The following CDKL5 variants were observed in gnomAD, a reference collection of about 807,000 sequenced individuals.
CDKL5 encodes cyclin-dependent kinase-like 5.
Under a neutral mutation model 61.7 loss-of-function variants are expected in CDKL5, and 8 were observed. The observed-to-expected ratio is 0.13, with a 90% CI of 0.08 to 0.23. The LOEUF (loss-of-function observed/expected upper bound fraction) is 0.23, where lower values mean the gene tolerates loss of function less well. Among genes scored for constraint, CDKL5 ranks in the 10% least tolerant of loss-of-function variants. The probability of loss-of-function intolerance (pLI) is 1.00; values close to 1 mark genes in which losing one functional copy is unlikely to be tolerated. For synonymous variants in CDKL5, 275 were observed against 272.3 expected (o/e 1.01, Z -0.10); for missense variants, 440 against 734.5 (o/e 0.60, Z 4.63).
intron 1 of CDKL5, among the ~76,000 whole-genome samples, chrX:18,430,710 G>T (rs1569181126): frequency 9.0e-6 from 1 of 110,962 alleles, no homozygotes; most frequent in Non-Finnish European, 1.9e-5. Context: ...CTCCCAAAGT[G>T]CTAGGATTAC....
rs971139221 is a variant in CDKL5, at chrX:18,646,152, CTT to C, written c.2797+71_2797+72del. ...AACGACCCTAGACTACTGAATGAAACTTTTTTTTTTCCTTTCTGAGACAGAGT... is the reference window on the plus strand; with the variant it reads ...AACGACCCTAGACTACTGAATGAAACTTTTTTTTCCTTTCTGAGACAGAGT... On this transcript the variant is annotated intron_variant, in intron 20 of 21. Transcript: ENST00000379989. The C allele has an allele frequency of 4.4e-6, 5 of 1,146,647 alleles. No individual in the cohort carries two copies. In the African/African-American group the frequency reaches 7.3e-5, roughly 17 times the overall value. 94.5% of individuals were successfully genotyped at this position (1,146,647 alleles called of 1,213,427 possible). A position where few individuals can be genotyped will look rare whatever the true frequency, so the allele number is the denominator to read the frequency against.
chrX:18,475,798 G>A (rs1006680085), intron 1 of CDKL5, among the ~76,000 whole-genome samples: 13 of 112,125 alleles, frequency 1.2e-4, no homozygotes, highest in African/African-American at 3.9e-4. Context: ...AAAAGATGAT[G>A]AAAATAACTA....
intron 4 of CDKL5, among the ~76,000 whole-genome samples, chrX:18,568,789 G>A (rs890216525): frequency 1.8e-5 from 2 of 110,329 alleles, no homozygotes; most frequent in Non-Finnish European, 3.8e-5. Context: ...GAACTCCTGG[G>A]CTCAAGCAGT....
At chrX:18,531,651 A>G (rs974835073) in intron 3 of CDKL5, among the ~76,000 whole-genome samples, 1 of 110,049 alleles carries the variant, frequency 9.1e-6, no homozygotes, top group African/African-American at 3.4e-5. Context: ...AATTCCGTAA[A>G]TCCAAGAAAT....
At chrX:18,602,351 ACAACT>A (rs1926205205) in intron 11 of CDKL5, among the ~76,000 whole-genome samples, 1 of 112,367 alleles carries the variant, frequency 8.9e-6, no homozygotes, top group Non-Finnish European at 1.9e-5. Context: ...AAGTTGGCAA[ACAACT>A]CAATGGTTTA....
At chrX:18,485,977 C>T (rs770617067) in intron 1 of CDKL5, among the ~76,000 whole-genome samples, 1 of 111,528 alleles carries the variant, frequency 9.0e-6, no homozygotes, top group South Asian at 3.8e-4. Context: ...CTACCTTTCT[C>T]AAAAAGCCCC....
chrX:18,523,546 A>G (rs1464503029), intron 3 of CDKL5, among the ~76,000 whole-genome samples: 1 of 111,875 alleles, frequency 8.9e-6, no homozygotes, highest in Non-Finnish European at 1.9e-5. Flanking sequence ...TTGTATATGT[A>G]TACAACGAAC....
At chrX:18,616,041 G>A (rs1926704250) in intron 15 of CDKL5, among the ~76,000 whole-genome samples, 1 of 111,157 alleles carries the variant, frequency 9.0e-6, no homozygotes, top group Admixed American at 9.6e-5. Flanking sequence ...ACCCTCATTT[G>A]GAGTCTGTTC....
intron 15 of CDKL5, among the ~76,000 whole-genome samples, chrX:18,619,469 T>G (rs1339159663): frequency 9.0e-6 from 1 of 111,693 alleles, no homozygotes; most frequent in East Asian, 2.8e-4. Context: ...GTCGAGCTGG[T>G]TTTTAAAAGG....
intron 1 of CDKL5, among the ~76,000 whole-genome samples, chrX:18,483,666 C>T (rs780106366): frequency 9.1e-6 from 1 of 110,028 alleles, no homozygotes; most frequent in East Asian, 2.9e-4. Context: ...GTGATCCACC[C>T]GCCTCGGCCT....
chrX:18,452,462 G>A (rs927077775), intron 1 of CDKL5, among the ~76,000 whole-genome samples: 1 of 110,492 alleles, frequency 9.1e-6, no homozygotes, highest in Non-Finnish European at 1.9e-5. Context: ...GCCTTACTCT[G>A]TCACCCAGGC....
Position 18,499,330 on chromosome X carries a change from C to A in CDKL5, c.-162-7605C>A, listed in dbSNP as rs190884583. On this transcript the variant is annotated intron_variant, in intron 1 of 17. Transcript: ENST00000623535. Reference sequence around the variant, plus strand: ...ATAGTTTGATCTTTCACCTTTTGGACCTTTTAGTTCTGTCACAATGTTCAG... The same window carrying A: ...ATAGTTTGATCTTTCACCTTTTGGAACTTTTAGTTCTGTCACAATGTTCAG... Among the ~76,000 whole-genome samples, 5 of 107,108 alleles carry A rather than the reference C, an allele frequency of 4.7e-5. No individual in the cohort carries two copies. The East Asian group carries it at 1.5e-3, about 31-fold the overall frequency. 93.0% of individuals were successfully genotyped at this position (107,108 alleles called of 115,157 possible). A position where few individuals can be genotyped will look rare whatever the true frequency, so the allele number is the denominator to read the frequency against.
chrX:18,528,858 C>G (rs1402395921), intron 3 of CDKL5, among the ~76,000 whole-genome samples: 2 of 111,016 alleles, frequency 1.8e-5, no homozygotes, highest in Non-Finnish European at 3.8e-5. Flanking sequence ...TGGTCTCAAA[C>G]TCCTGGGCCT....
Position 18,639,544 on chromosome X carries a change from A to G in CDKL5, c.*10787A>G, listed in dbSNP as rs1289714703. 1.8e-5 allele frequency among the ~76,000 whole-genome samples: 2 copies of G among 112,393 alleles called. No homozygotes were observed. Among genetic ancestry groups the G allele is most frequent in the Non-Finnish European group, 3.8e-5 (2 of 53,265 alleles). On this transcript the variant is annotated 3_prime_UTR_variant, in exon 18 of 18. Coordinates refer to ENST00000623535, the MANE Select transcript of CDKL5 (RefSeq NM_001323289.2). ...GATGTGGAGAAAGTGGAAGCCTCCT[A>G]CATTGCTGGTGGAAATGTAAAATGA...
chrX:18,441,616 C>T (rs1161530288), intron 1 of CDKL5, among the ~76,000 whole-genome samples: 2 of 111,040 alleles, frequency 1.8e-5, no homozygotes, highest in African/African-American at 6.6e-5. Context: ...TTACATTGGG[C>T]TGGATTTGAG....
intron 4 of CDKL5, among the ~76,000 whole-genome samples, chrX:18,571,066 A>G (rs1205023481): frequency 9.0e-6 from 1 of 111,147 alleles, no homozygotes; most frequent in African/African-American, 3.3e-5. Context: ...AGAAGTATGG[A>G]CTCGGGAAGA....
chrX:18,513,088 G>A lies in CDKL5; in HGVS notation c.99+2234G>A, dbSNP rs762602384. Among the ~76,000 whole-genome samples the A allele has an allele frequency of 6.3e-5, 7 of 111,689 alleles. No homozygotes were observed. In the East Asian group the frequency reaches 1.4e-3, roughly 22 times the overall value. Reference sequence around the variant, plus strand: ...ATATCTGATATATATTACACATCATGTACAGAGTCCAAATGTTTTCTCCTA... The same window carrying A: ...ATATCTGATATATATTACACATCATATACAGAGTCCAAATGTTTTCTCCTA... On this transcript the variant is annotated intron_variant, in intron 3 of 17. Coordinates refer to ENST00000623535, the MANE Select transcript of CDKL5 (RefSeq NM_001323289.2).
chrX:18,613,065 A>G, intron 14 of CDKL5, 87 bp from the exon 15 acceptor site: 10 of 885,394 alleles, frequency 1.1e-5, no homozygotes, highest in South Asian at 2.1e-5. Flanking sequence ...ACTGCACTCC[A>G]GCCTGGGTGA....
At chrX:18,603,771 G>A in intron 11 of CDKL5, 131 bp from the exon 12 acceptor site, 1 of 776,177 alleles carries the variant, frequency 1.3e-6, no homozygotes, top group Non-Finnish European at 2.0e-6. Context: ...GTTATTCGAA[G>A]GCACATGCTT....
Sources: allele counts gnomAD v4.1 joint callset (sites outside exome capture counted in the v4.1 genomes callset), GRCh38; gene constraint gnomAD v4.1.1; transcripts MANE v1.5; gene names NCBI Gene and HGNC (gene_info 2026-07-23, HGNC 2026-07-21).